NAV2: variants seen among roughly 807,000 people sequenced by gnomAD.
NAV2 encodes neuron navigator 2.
NAV2 carries 54 observed loss-of-function variants against 223.2 expected under a neutral mutation model. The ratio of observed to expected loss-of-function variants is 0.24; its 90% CI spans 0.19 to 0.30. The LOEUF is 0.30. NAV2 is among the 10% of genes least tolerant of loss of function. The pLI, the probability that NAV2 is intolerant of heterozygous loss-of-function variation, is 1.00. For synonymous variants in NAV2, 1,279 were observed against 1,239.3 expected (o/e 1.03, Z -0.67); for missense variants, 2,806 against 3,147.5 (o/e 0.89, Z 2.60).
chr11:19,554,163 C>T (rs953823837), intron 1 of NAV2, among the ~76,000 whole-genome samples: 1 of 152,206 alleles, frequency 6.6e-6, no homozygotes, highest in Non-Finnish European at 1.5e-5. Context: ...GGCCTGAAAT[C>T]GTGCTATGAC....
At chr11:20,018,026 C>T (rs548522518) in intron 11 of NAV2, among the ~76,000 whole-genome samples, 28 of 152,202 alleles carry the variant, frequency 1.8e-4, no homozygotes, top group African/African-American at 6.5e-4. Context: ...GAGTATAATA[C>T]TGATTCCCAA....
chr11:19,498,486 T>C (rs547182980), intron 1 of NAV2, among the ~76,000 whole-genome samples: 33 of 152,364 alleles, frequency 2.2e-4, no homozygotes, highest in Non-Finnish European at 4.0e-4. Context: ...TGAGAAAATA[T>C]ATAAATGAAG....
At chr11:20,009,228 C>G (rs1350104432) in intron 11 of NAV2, among the ~76,000 whole-genome samples, 1 of 152,154 alleles carries the variant, frequency 6.6e-6, no homozygotes, top group Non-Finnish European at 1.5e-5. Flanking sequence ...GTACTTTTCC[C>G]CCTGAGCTTA....
At position 19,385,805 on chromosome 11, in the gene NAV2, A is replaced by G. The variant is rs184174067; in HGVS notation, c.75+34778A>G. On this transcript the variant is annotated intron_variant, in intron 1 of 37. Coordinates refer to the NAV2 transcript ENST00000360655. ...GAGACAGAGTCTCGCTCTGTCGCCC[A>G]GGCTGGAGTGCATTGGCACGATCTC... 3.5e-4 allele frequency among the ~76,000 whole-genome samples: 46 copies of G among 132,158 alleles called. No individual in the cohort carries two copies. In the East Asian group the frequency reaches 0.011, roughly 31 times the overall value. 86.7% of individuals were successfully genotyped at this position (132,158 alleles called of 152,430 possible). A position where few individuals can be genotyped will look rare whatever the true frequency, so the allele number is the denominator to read the frequency against.
At chr11:19,968,859 T>C (rs2048989375) in intron 10 of NAV2, among the ~76,000 whole-genome samples, 1 of 151,956 alleles carries the variant, frequency 6.6e-6, no homozygotes, top group South Asian at 2.1e-4. Context: ...AGCCTGTCTT[T>C]CCCCCCAGAG....
chr11:19,934,805 G>C (rs766845455), intron 7 of NAV2, among the ~76,000 whole-genome samples: 3 of 119,704 alleles, frequency 2.5e-5, no homozygotes, highest in Non-Finnish European at 3.5e-5. Context: ...TTGGGGAGAA[G>C]AGTAATGGTA....
chr11:19,628,364 G>C (rs1396509882), intron 1 of NAV2, among the ~76,000 whole-genome samples: 1 of 152,220 alleles, frequency 6.6e-6, no homozygotes, highest in African/African-American at 2.4e-5. Flanking sequence ...CGTAGTGCAG[G>C]GCCCTGTGAG....
At chr11:20,045,751 C>A in intron 14 of NAV2, 81 bp downstream of exon 14, 3 of 1,203,140 alleles carry the variant, frequency 2.5e-6, no homozygotes, top group Non-Finnish European at 3.5e-6. Flanking sequence ...TTAGTTGAAG[C>A]ACCCTCTGTT....
intron 1 of NAV2, among the ~76,000 whole-genome samples, chr11:19,496,224 A>C (rs180871353): frequency 6.6e-6 from 1 of 152,358 alleles, no homozygotes; most frequent in Admixed American, 6.5e-5. Flanking sequence ...ATGATTTGTT[A>C]TATGTTGCTT....
intron 1 of NAV2, among the ~76,000 whole-genome samples, chr11:19,814,363 C>T (rs1811448): frequency 0.93 from 141,956 of 152,128 alleles, 67,047 homozygotes; most frequent in East Asian, 1. Flanking sequence ...ATGGATGTCC[C>T]GGGAAGGGCC....
At chr11:20,027,307 CG>C (rs2055195518) in intron 11 of NAV2, 1 of 983,732 alleles carries the variant, frequency 1.0e-6, no homozygotes, top group Non-Finnish European at 1.2e-6. Context: ...GCTCGGGCCC[CG>C]GGGTTTCACG....
intron 6 of NAV2, among the ~76,000 whole-genome samples, chr11:19,910,065 C>T (rs566282258): frequency 1.5e-4 from 23 of 152,160 alleles, no homozygotes; most frequent in African/African-American, 4.3e-4. Flanking sequence ...ATTTTGCATA[C>T]GTAGTCTCAT....
chr11:20,040,169 G>C (rs1159728768), intron 12 of NAV2, among the ~76,000 whole-genome samples: 1 of 152,200 alleles, frequency 6.6e-6, no homozygotes, highest in Non-Finnish European at 1.5e-5. Context: ...ACTTGAGCCA[G>C]CTCAGCATCT....
At chr11:19,767,863 C>T (rs2055354143) in intron 1 of NAV2, among the ~76,000 whole-genome samples, 1 of 152,172 alleles carries the variant, frequency 6.6e-6, no homozygotes, top group Non-Finnish European at 1.5e-5. Flanking sequence ...CCAGCCCAGC[C>T]CCCTAGGCTT....
chr11:19,697,116 A>C (rs180803326), intron 1 of NAV2, among the ~76,000 whole-genome samples: 1 of 152,342 alleles, frequency 6.6e-6, no homozygotes, highest in East Asian at 1.9e-4. Flanking sequence ...GAACAAAATC[A>C]TGCCCTTTGC....
chr11:19,614,699 C>A (rs1397022011), intron 1 of NAV2, among the ~76,000 whole-genome samples: 1 of 152,150 alleles, frequency 6.6e-6, no homozygotes, highest in South Asian at 2.1e-4. Flanking sequence ...GCTCTATGGG[C>A]CAGTGGCATA....
chr11:20,023,696 C>CTGGGTGGG (rs1554902243), intron 11 of NAV2, among the ~76,000 whole-genome samples: 11 of 80,420 alleles, frequency 1.4e-4, no homozygotes, highest in Admixed American at 2.6e-4. Context: ...CAGCAAATTG[C>CTGGGTGGG]TGGGTGTGTG....
chr11:19,757,491 C>T (rs1247152870), intron 1 of NAV2, among the ~76,000 whole-genome samples: 3 of 152,166 alleles, frequency 2.0e-5, no homozygotes, highest in Non-Finnish European at 4.4e-5. Context: ...TCCTCTGCCT[C>T]GGGTTAACTG....
chr11:19,818,541 C>G (rs1236352828), intron 1 of NAV2, among the ~76,000 whole-genome samples: 1 of 151,990 alleles, frequency 6.6e-6, no homozygotes, highest in East Asian at 1.9e-4. Flanking sequence ...TATTTACTAT[C>G]ACTTTAAAAA....
Sources: allele counts gnomAD v4.1 joint callset (sites outside exome capture counted in the v4.1 genomes callset), GRCh38; gene constraint gnomAD v4.1.1; transcripts MANE v1.5; gene names NCBI Gene and HGNC (gene_info 2026-07-23, HGNC 2026-07-21).